PXDNL: variants seen among roughly 807,000 people sequenced by gnomAD.
PXDNL encodes probable oxidoreductase PXDNL.
PXDNL carries 145 observed loss-of-function variants against 150.8 expected under a neutral mutation model. The ratio of observed to expected loss-of-function variants is 0.96; its 90% CI spans 0.84 to 1.10. PXDNL has a LOEUF of 1.10. Among genes scored for constraint, PXDNL ranks in the 50% least tolerant of loss-of-function variants. PXDNL has a pLI of 0.00. For missense variants in PXDNL, 2,087 were observed against 1,873.9 expected, an observed-to-expected ratio of 1.11 and a Z score of -2.10; for synonymous variants, 757 against 725.7, an observed-to-expected ratio of 1.04 and a Z score of -0.69.
At chr8:51,492,797 G>C (rs894452149) in intron 5 of PXDNL, among the ~76,000 whole-genome samples, 1 of 152,166 alleles carries the variant, frequency 6.6e-6, no homozygotes, top group African/African-American at 2.4e-5. Context: ...GCTCGAACTG[G>C]GTGGAGCCCA....
At chr8:51,378,289 T>A (rs991917846) in intron 17 of PXDNL, among the ~76,000 whole-genome samples, 3 of 152,108 alleles carry the variant, frequency 2.0e-5, no homozygotes, top group Non-Finnish European at 4.4e-5. Flanking sequence ...CAATCAGCAC[T>A]CTGTGTCTAG....
rs777402487 is a variant in PXDNL, at chr8:51,345,902, T to C, written c.3947A>G (p.Gln1316Arg). The change falls in exon 20 of 23, where the codon CAA becomes CGA. Residue 1316 changes from glutamine (Q) to arginine (R), a missense_variant. Transcript: ENST00000356297. ...GCTGTATTGAGCTGAGCGTTTCTTT[T>C]GAGACTCTTGCGTCACTGCTCTGAA... ...GQFRAVTQES[Q>R]KKRSAQYSYP... 3.2e-5 allele frequency: 51 copies of C among 1,613,698 alleles called. No individual in the cohort carries two copies. Among genetic ancestry groups the C allele is most frequent in the Non-Finnish European group, 4.3e-5 (51 of 1,179,602 alleles).
chr8:51,406,740 C>G (rs898140353), intron 17 of PXDNL, among the ~76,000 whole-genome samples: 2 of 152,190 alleles, frequency 1.3e-5, no homozygotes, highest in African/African-American at 4.8e-5. Flanking sequence ...CATTTAATCG[C>G]GACTTCTACC....
intron 22 of PXDNL, 113 bp downstream of exon 22, chr8:51,320,671 A>G (rs1188925886): frequency 2.6e-6 from 2 of 758,868 alleles, no homozygotes; most frequent in Non-Finnish European, 4.4e-6. Context: ...AAATATGCCT[A>G]GAATCTATTG....
chr8:51,611,478 T>C (rs1813999352), intron 2 of PXDNL, among the ~76,000 whole-genome samples: 1 of 152,232 alleles, frequency 6.6e-6, no homozygotes, highest in Non-Finnish European at 1.5e-5. Context: ...TAAACACTTT[T>C]TTGTGTAATT....
chr8:51,608,855 A>G (rs1002478158), intron 2 of PXDNL, among the ~76,000 whole-genome samples: 2 of 150,002 alleles, frequency 1.3e-5, no homozygotes, highest in South Asian at 2.1e-4. Context: ...AAAAAAAAAA[A>G]AAAAGAAAGT....
At chr8:51,793,700 C>G (rs576043289) in intron 1 of PXDNL, among the ~76,000 whole-genome samples, 1 of 151,988 alleles carries the variant, frequency 6.6e-6, no homozygotes, top group Non-Finnish European at 1.5e-5. Context: ...ACCAGCCTGG[C>G]GAACATAGTG....
At chr8:51,353,616 C>T (rs1806418158) in intron 19 of PXDNL, among the ~76,000 whole-genome samples, 1 of 151,992 alleles carries the variant, frequency 6.6e-6, no homozygotes, top group Non-Finnish European at 1.5e-5. Context: ...TTTAGTGTTC[C>T]TAGTGACCTA....
intron 2 of PXDNL, among the ~76,000 whole-genome samples, chr8:51,596,278 T>C (rs1482576882): frequency 6.6e-6 from 1 of 152,224 alleles, no homozygotes; most frequent in Non-Finnish European, 1.5e-5. Context: ...ATGGACCACA[T>C]TTTCCTTATC....
At chr8:51,470,564 G>A (rs1343268686) in intron 8 of PXDNL, among the ~76,000 whole-genome samples, 2 of 152,038 alleles carry the variant, frequency 1.3e-5, no homozygotes, top group African/African-American at 4.8e-5. Context: ...TGCTATCGTT[G>A]AATTGTATTA....
At chr8:51,663,471 TA>T (rs1442793670) in intron 1 of PXDNL, among the ~76,000 whole-genome samples, 1 of 152,118 alleles carries the variant, frequency 6.6e-6, no homozygotes, top group Non-Finnish European at 1.5e-5. Context: ...AAACACCCTT[TA>T]TTTCCTCTAA....
chr8:51,463,602 T>G (rs976060332), intron 8 of PXDNL, among the ~76,000 whole-genome samples: 1 of 152,200 alleles, frequency 6.6e-6, no homozygotes, highest in African/African-American at 2.4e-5. Context: ...AATTTGACAC[T>G]TGACCAACCA....
chr8:51,648,123 C>T (rs1814962234), intron 2 of PXDNL, among the ~76,000 whole-genome samples: 1 of 152,108 alleles, frequency 6.6e-6, no homozygotes, highest in Non-Finnish European at 1.5e-5. Flanking sequence ...AGTACAACTA[C>T]TATAATTACT....
At chr8:51,552,246 T>C (rs955215130) in intron 4 of PXDNL, among the ~76,000 whole-genome samples, 1 of 151,830 alleles carries the variant, frequency 6.6e-6, no homozygotes, top group Non-Finnish European at 1.5e-5. Flanking sequence ...CAACCACTAA[T>C]ACAACCACTA....
rs775117527 is a variant in PXDNL at position 51,626,815 on chromosome 8, T to C, written c.236+27874A>G. ...ACTTCATATACAAGCCAGTTTGTTA[T>C]GATGAACCAAAGAGGCAATTTTTGT... On this transcript the variant is annotated intron_variant, in intron 2 of 22. Transcript: ENST00000356297. 2.6e-5 allele frequency among the ~76,000 whole-genome samples: 4 copies of C among 152,304 alleles called. No homozygotes were observed. In the East Asian group the frequency reaches 7.7e-4, roughly 29 times the overall value.
intron 4 of PXDNL, among the ~76,000 whole-genome samples, chr8:51,512,573 G>A (rs913439022): frequency 6.6e-6 from 1 of 152,148 alleles, no homozygotes; most frequent in Middle Eastern, 3.2e-3. Context: ...CCTGCATGTA[G>A]GCTAGGATAA....
At chr8:51,499,664 C>G in intron 5 of PXDNL, 35 bp downstream of exon 5, 1 of 1,513,384 alleles carries the variant, frequency 6.6e-7, no homozygotes, top group Non-Finnish European at 9.2e-7. Flanking sequence ...AAATGTAAAG[C>G]AGAAGCAAAG....
intron 14 of PXDNL, among the ~76,000 whole-genome samples, chr8:51,414,887 G>T (rs1808753643): frequency 6.6e-6 from 1 of 152,100 alleles, no homozygotes; most frequent in Non-Finnish European, 1.5e-5. Context: ...TGTAACCTCA[G>T]AAATGAAAAA....
At chr8:51,586,311 C>T (rs1053683381) in intron 3 of PXDNL, among the ~76,000 whole-genome samples, 1 of 152,120 alleles carries the variant, frequency 6.6e-6, no homozygotes, top group Non-Finnish European at 1.5e-5. Flanking sequence ...TGAGAAATTG[C>T]CAGCTATGTG....
Sources: allele counts gnomAD v4.1 joint callset (sites outside exome capture counted in the v4.1 genomes callset), GRCh38; gene constraint gnomAD v4.1.1; transcripts MANE v1.5; gene names NCBI Gene and HGNC (gene_info 2026-07-23, HGNC 2026-07-21).